NDFIP1: variants seen among roughly 807,000 people sequenced by gnomAD.
NDFIP1 encodes the protein Nedd4 family interacting protein 1.
A neutral mutation model predicts 28.8 loss-of-function variants in NDFIP1; 7 were observed. That is an observed-to-expected ratio of 0.24 (90% CI 0.14 to 0.46). The LOEUF (loss-of-function observed/expected upper bound fraction) is 0.46. Ranked by LOEUF, NDFIP1 falls within the 20% of genes least tolerant of loss-of-function variation. The pLI, the probability that NDFIP1 is intolerant of heterozygous loss-of-function variation, is 0.99. For missense variants in NDFIP1, 194 were observed against 269.1 expected, an observed-to-expected ratio of 0.72 and a Z score of 1.95; for synonymous variants, 92 against 101.0, an observed-to-expected ratio of 0.91 and a Z score of 0.53.
Position 142,153,462 on chromosome 5 carries a change from C to G in NDFIP1, c.*1734C>G. 2.2e-6 allele frequency: 1 copy of G among 455,772 alleles called. No homozygotes were observed. The highest frequency in any genetic ancestry group is 4.4e-6 in the Non-Finnish European group (1 of 226,106). 28.2% of individuals were successfully genotyped at this position (455,772 alleles called of 1,614,324 possible). ...AAGTGTGGGTTGTTTGAAAGCCAAA[C>G]AGGAAAATTAGGAGCCTCCTGGATT... On this transcript the variant is annotated 3_prime_UTR_variant, in exon 8 of 8. Transcript: ENST00000253814.
intron 3 of NDFIP1, among the ~76,000 whole-genome samples, chr5:142,133,740 A>G (rs181424399): frequency 6.6e-6 from 1 of 152,350 alleles, no homozygotes; most frequent in Admixed American, 6.5e-5. Context: ...CTTTTTAAAT[A>G]TAAGATGCAG....
At position 142,127,018 on chromosome 5, in the gene NDFIP1, T is replaced by G. The variant is rs1757176024; in HGVS notation, c.64-4790T>G. ...AAAAAAACGCTCTATTTTATTTTAT[T>G]TATTTATTTATTTTTGAGACAGAAT... On this transcript the variant is annotated intron_variant, in intron 1 of 7. Transcript: ENST00000253814. Among the ~76,000 whole-genome samples, 3 of 152,124 alleles carry G rather than the reference T, an allele frequency of 2.0e-5. No individual in the cohort carries two copies. The South Asian group carries it at 6.2e-4, about 32-fold the overall frequency.
chr5:142,138,508 T>C (rs1757296468), intron 5 of NDFIP1, among the ~76,000 whole-genome samples: 1 of 152,252 alleles, frequency 6.6e-6, no homozygotes, highest in Non-Finnish European at 1.5e-5. Flanking sequence ...ATCGTCAACC[T>C]TATAAACAAA....
At chr5:142,129,017 G>A (rs1233561198) in intron 1 of NDFIP1, among the ~76,000 whole-genome samples, 1 of 152,144 alleles carries the variant, frequency 6.6e-6, no homozygotes, top group Non-Finnish European at 1.5e-5. Flanking sequence ...GAATTGTCAT[G>A]CTTCCTTTCT....
At chr5:142,123,677 T>C (rs1757142902) in intron 1 of NDFIP1, among the ~76,000 whole-genome samples, 1 of 152,226 alleles carries the variant, frequency 6.6e-6, no homozygotes, top group Non-Finnish European at 1.5e-5. Flanking sequence ...CTAGATTTTA[T>C]ATAAATTATT....
At chr5:142,119,447 C>A (rs1255496788) in intron 1 of NDFIP1, among the ~76,000 whole-genome samples, 3 of 152,214 alleles carry the variant, frequency 2.0e-5, no homozygotes, top group Non-Finnish European at 4.4e-5. Flanking sequence ...CCTCCACCCA[C>A]TTGAGTGAGG....
At chr5:142,146,057 A>AT (rs1397564972) in intron 7 of NDFIP1, among the ~76,000 whole-genome samples, 2 of 152,124 alleles carry the variant, frequency 1.3e-5, no homozygotes, top group Admixed American at 6.5e-5. Context: ...TATAACAAAC[A>AT]TTTTTTCAAG....
chr5:142,129,911 CAAAAA>C (rs749420090), intron 1 of NDFIP1, among the ~76,000 whole-genome samples: 3 of 62,676 alleles, frequency 4.8e-5, no homozygotes, highest in African/African-American at 1.0e-4. Flanking sequence ...AACTACATCT[CAAAAA>C]AAAAAAAAAA....
chr5:142,130,671 C>T (rs1040363899), intron 1 of NDFIP1, among the ~76,000 whole-genome samples: 3 of 143,350 alleles, frequency 2.1e-5, no homozygotes, highest in African/African-American at 8.0e-5. Flanking sequence ...CCTGCCTGGA[C>T]AACAAGAGTG....
At position 142,152,392 on chromosome 5, in the gene NDFIP1, T is replaced by G. The variant is rs1757455856; in HGVS notation, c.*664T>G. 6.6e-6 allele frequency: 1 copy of G among 152,330 alleles called. No homozygotes were observed. Among genetic ancestry groups the G allele is most frequent in the South Asian group, 2.1e-4 (1 of 4,830 alleles). The allele number at this position is 152,330 out of a possible 1,614,324, so 9.4% of individuals were successfully genotyped here. A position where few individuals can be genotyped will look rare whatever the true frequency, so the allele number is the denominator to read the frequency against. ...TTGTACCTAAGGGATTCTAAAGGTG[T>G]TGTCACTGTATAAAACAGAAAGCAC... On this transcript the variant is annotated 3_prime_UTR_variant, in exon 8 of 8. Transcript: ENST00000253814.
intron 1 of NDFIP1, among the ~76,000 whole-genome samples, chr5:142,118,938 G>A (rs561734467): frequency 2.0e-5 from 3 of 151,762 alleles, no homozygotes; most frequent in Non-Finnish European, 2.9e-5. Context: ...CTAGAATCAG[G>A]CATTTTTCCA....
intron 1 of NDFIP1, among the ~76,000 whole-genome samples, chr5:142,114,946 A>G (rs1757050351): frequency 6.6e-6 from 1 of 152,216 alleles, no homozygotes; most frequent in Non-Finnish European, 1.5e-5. Context: ...AAAATAGGGC[A>G]GTGCTTCCTG....
At chr5:142,116,370 CTCTT>C (rs780957164) in intron 1 of NDFIP1, among the ~76,000 whole-genome samples, 12 of 143,870 alleles carry the variant, frequency 8.3e-5, no homozygotes, top group Non-Finnish European at 1.4e-4. Context: ...CTCTCTCTCT[CTCTT>C]TCTTTCTTTC....
chr5:142,137,431 C>T (rs1216432194), intron 4 of NDFIP1, among the ~76,000 whole-genome samples: 1 of 152,178 alleles, frequency 6.6e-6, no homozygotes, highest in Admixed American at 6.5e-5. Flanking sequence ...GATCCTCCAA[C>T]GTTGGCCTCC....
At chr5:142,131,107 A>C (rs1484213041) in intron 1 of NDFIP1, among the ~76,000 whole-genome samples, 1 of 151,802 alleles carries the variant, frequency 6.6e-6, no homozygotes, top group African/African-American at 2.4e-5. Context: ...GGTGCATGCC[A>C]CCACTCCCGG....
chr5:142,120,711 C>A (rs534065651), intron 1 of NDFIP1, among the ~76,000 whole-genome samples: 1 of 152,314 alleles, frequency 6.6e-6, no homozygotes, highest in East Asian at 1.9e-4. Context: ...ACTGTTCTGT[C>A]CCCAGACCCC....
intron 6 of NDFIP1, among the ~76,000 whole-genome samples, chr5:142,141,379 T>G (rs547198057): frequency 1.3e-5 from 2 of 151,940 alleles, no homozygotes; most frequent in East Asian, 3.9e-4. Context: ...GGTTTTACCG[T>G]GTTGGCCAGG....
rs149600822 is a variant in NDFIP1 at position 142,133,854 on chromosome 5, A to G, written c.282+1512A>G. Among the ~76,000 whole-genome samples the G allele has an allele frequency of 2.7e-3, 406 of 152,366 alleles. 2 individuals are homozygous for G. Among genetic ancestry groups the G allele is most frequent in the African/African-American group, 9.3e-3 (388 of 41,588 alleles). On this transcript the variant is annotated intron_variant, in intron 3 of 7. Coordinates refer to ENST00000253814, the MANE Select transcript of NDFIP1 (RefSeq NM_030571.4). ...TAGGGTAAAGGGCCCACAAATACTGATAACTAAGACACATAAGAGCAGTGG... is the reference window on the plus strand; with the variant it reads ...TAGGGTAAAGGGCCCACAAATACTGGTAACTAAGACACATAAGAGCAGTGG...
intron 6 of NDFIP1, among the ~76,000 whole-genome samples, chr5:142,141,061 A>G (rs918556615): frequency 2.0e-5 from 3 of 151,478 alleles, no homozygotes; most frequent in African/African-American, 4.8e-5. Context: ...AACAGAAAAT[A>G]TGTAACCTCG....
Sources: allele counts gnomAD v4.1 joint callset (sites outside exome capture counted in the v4.1 genomes callset), GRCh38; gene constraint gnomAD v4.1.1; transcripts MANE v1.5; gene names NCBI Gene and HGNC (gene_info 2026-07-23, HGNC 2026-07-21).